Variants in SHISA9 observed in about 807,000 individuals in gnomAD.
SHISA9 encodes shisa family member 9, also known as protein shisa-9.
A neutral mutation model predicts 38.0 loss-of-function variants in SHISA9; 13 were observed. The observed-to-expected ratio is 0.34, with a 90% CI of 0.22 to 0.54. The LOEUF is 0.54. Among genes scored for constraint, SHISA9 ranks in the 20% least tolerant of loss-of-function variants. The pLI is 0.91. For synonymous variants in SHISA9, 275 were observed against 242.0 expected, an observed-to-expected ratio of 1.14 and a Z score of -1.27; for missense variants, 538 against 575.8, an observed-to-expected ratio of 0.93 and a Z score of 0.67.
At chr16:13,098,864 C>T (rs776471759) in intron 2 of SHISA9, among the ~76,000 whole-genome samples, 4 of 152,210 alleles carry the variant, frequency 2.6e-5, no homozygotes, top group African/African-American at 7.2e-5. Context: ...CTTGGGCAAC[C>T]CCCTTTGTCT....
chr16:13,409,000 A>C, the SHISA9 span, among the ~76,000 whole-genome samples: 1 of 152,072 alleles, frequency 6.6e-6, no homozygotes, highest in Non-Finnish European at 1.5e-5. Flanking sequence ...GGCCTGCCAC[A>C]CCCCACTATC....
At chr16:13,272,479 C>G in the SHISA9 span, among the ~76,000 whole-genome samples, 2 of 152,032 alleles carry the variant, frequency 1.3e-5, no homozygotes, top group African/African-American at 4.8e-5. Flanking sequence ...CCTCCCACCT[C>G]GACCTCAGAA....
chr16:13,402,411 T>A, the SHISA9 span, among the ~76,000 whole-genome samples: 4 of 152,186 alleles, frequency 2.6e-5, no homozygotes, highest in African/African-American at 9.6e-5. Flanking sequence ...AAGAAGGACA[T>A]TTCTGTGCCA....
At chr16:13,018,148 C>G (rs1000367665) in intron 2 of SHISA9, among the ~76,000 whole-genome samples, 5 of 152,226 alleles carry the variant, frequency 3.3e-5, no homozygotes, top group African/African-American at 9.6e-5. Context: ...CTGTTCTTCT[C>G]CCTCCTAAGT....
At position 12,902,423 on chromosome 16, in the gene SHISA9, G is replaced by C; in HGVS notation, c.359G>C (p.Cys120Ser). ...FKKRRLNQSTCTNYDTPLWLN... is the reference protein window; with the variant it reads ...FKKRRLNQSTSTNYDTPLWLN... ...AAGCGGCGACTGAACCAAAGCACCT[G>C]CACCAACTACGACACGCCGCTCTGG... Residue 120 changes from cysteine to serine, a missense_variant, in exon 1 of 5, where the codon TGC (cysteine) becomes TCC (serine). By Grantham distance (112) the Cys-to-Ser change is moderately radical. Transcript: ENST00000558583. The C allele has an allele frequency of 6.4e-7, 1 of 1,551,254 alleles. No homozygotes were observed. Among genetic ancestry groups the C allele is most frequent in the Non-Finnish European group, 8.7e-7 (1 of 1,146,992 alleles).
At chr16:12,931,904 A>T (rs1341262821) in intron 2 of SHISA9, among the ~76,000 whole-genome samples, 1 of 152,210 alleles carries the variant, frequency 6.6e-6, no homozygotes, top group Non-Finnish European at 1.5e-5. Flanking sequence ...CTCATCTTGA[A>T]TTGTGCTTCC....
chr16:12,908,665 T>G, intron 1 of SHISA9: 1 of 1,540,458 alleles, frequency 6.5e-7, no homozygotes, highest in Admixed American at 2.0e-5. Context: ...CACAGAGAAG[T>G]ACGCGATGCC....
At chr16:12,910,452 A>G in intron 1 of SHISA9, 4 of 985,368 alleles carry the variant, frequency 4.1e-6, no homozygotes, top group Non-Finnish European at 4.8e-6. Context: ...ATCAGGAGAC[A>G]GGTAACACAC....
chr16:13,153,046 G>C (rs1056818996), intron 2 of SHISA9, among the ~76,000 whole-genome samples: 2 of 152,098 alleles, frequency 1.3e-5, no homozygotes, highest in Non-Finnish European at 2.9e-5. Context: ...CTGAGCCAAA[G>C]AATATGCCAG....
chr16:13,241,162 A>G (rs566122843), downstream of SHISA9, among the ~76,000 whole-genome samples: 2 of 152,166 alleles, frequency 1.3e-5, no homozygotes, highest in African/African-American at 2.4e-5. Context: ...CAGGGATGCT[A>G]ATGTTCAGAC....
intron 2 of SHISA9, among the ~76,000 whole-genome samples, chr16:13,032,751 A>C (rs371694507): frequency 2.6e-5 from 4 of 152,162 alleles, no homozygotes; most frequent in Non-Finnish European, 1.5e-5. Context: ...ATGACTCTTG[A>C]TTGTTGCAAG....
At chr16:12,905,742 C>T (rs2071084125) in intron 1 of SHISA9, among the ~76,000 whole-genome samples, 2 of 152,080 alleles carry the variant, frequency 1.3e-5, no homozygotes, top group African/African-American at 2.4e-5. Context: ...CAGGCATGCA[C>T]CACCACACCT....
At chr16:13,518,486 A>G in the SHISA9 span, among the ~76,000 whole-genome samples, 1 of 152,090 alleles carries the variant, frequency 6.6e-6, no homozygotes, top group African/African-American at 2.4e-5. Flanking sequence ...TCCTCAATCT[A>G]TCTTGCTGAT....
chr16:13,369,125 G>T, the SHISA9 span, among the ~76,000 whole-genome samples: 1 of 152,144 alleles, frequency 6.6e-6, no homozygotes, highest in African/African-American at 2.4e-5. Flanking sequence ...AAAGCAAGCT[G>T]CAGAATAATG....
the SHISA9 span, among the ~76,000 whole-genome samples, chr16:13,513,929 G>A: frequency 3.3e-5 from 5 of 152,156 alleles, no homozygotes; most frequent in Admixed American, 6.6e-5. Context: ...AACCACCATG[G>A]CACATGTATA....
At chr16:13,046,956 C>T (rs190923457) in intron 2 of SHISA9, among the ~76,000 whole-genome samples, 10 of 152,128 alleles carry the variant, frequency 6.6e-5, no homozygotes, top group East Asian at 1.9e-4. Context: ...GCTCTTACCC[C>T]CTGTGTGCCT....
intron 2 of SHISA9, among the ~76,000 whole-genome samples, chr16:13,101,041 A>G (rs1328502622): frequency 6.6e-6 from 1 of 152,154 alleles, no homozygotes; most frequent in Non-Finnish European, 1.5e-5. Context: ...AATTCATGCA[A>G]CGTTTGTCTT....
At chr16:13,255,480 T>C in the SHISA9 span, among the ~76,000 whole-genome samples, 1 of 152,308 alleles carries the variant, frequency 6.6e-6, no homozygotes, top group South Asian at 2.1e-4. Context: ...CAGTTCACAT[T>C]AAACCATCAC....
chr16:13,065,481 G>C (rs1319709135), intron 2 of SHISA9, among the ~76,000 whole-genome samples: 2 of 152,176 alleles, frequency 1.3e-5, no homozygotes, highest in Non-Finnish European at 2.9e-5. Flanking sequence ...AACTACCTCT[G>C]TTCACATGAA....
Sources: gnomAD v4.1 joint callset for allele counts (sites outside exome capture counted in the v4.1 genomes callset) on GRCh38, gnomAD v4.1.1 for gene constraint, MANE v1.5 for transcripts, NCBI Gene and HGNC (gene_info 2026-07-23, HGNC 2026-07-21) for gene names.